THBS1: variants seen among roughly 807,000 people sequenced by gnomAD.
THBS1 encodes the protein thrombospondin-1.
THBS1 carries 29 observed loss-of-function variants against 126.1 expected under a neutral mutation model. The ratio of observed to expected loss-of-function variants is 0.23; its 90% CI spans 0.17 to 0.31. THBS1 has a LOEUF of 0.31. Ranked by LOEUF, THBS1 falls within the 10% of genes least tolerant of loss-of-function variation. The pLI, the probability that THBS1 is intolerant of heterozygous loss-of-function variation, is 1.00. For synonymous variants in THBS1, 496 were observed against 577.8 expected (o/e 0.86, Z 2.03); for missense variants, 1,198 against 1,545.2 (o/e 0.78, Z 3.77).
intron 13 of THBS1, 95 bp downstream of exon 13, chr15:39,590,118 GA>G (rs1890299286): frequency 1.8e-6 from 2 of 1,128,328 alleles, no homozygotes; most frequent in Admixed American, 2.9e-5. Context: ...GTTTGGACAT[GA>G]AACTGAAAGA....
rs184929393 is a variant in THBS1, at chr15:39,592,392, A to C, written c.2533-176A>C. Among the ~76,000 whole-genome samples, 152 of 152,344 alleles carry C rather than the reference A, an allele frequency of 1.0e-3. No homozygotes were observed. The highest frequency in any genetic ancestry group is 1.7e-3 in the Non-Finnish European group (114 of 68,024). On this transcript the variant is annotated intron_variant, in intron 16 of 21. Coordinates refer to ENST00000260356, the MANE Select transcript of THBS1 (RefSeq NM_003246.4). This position sits in a 1 kb window ranked among gnomAD's most constrained non-coding sequence, Gnocchi z 4.3. ...ACGAAAACAAAGATAAAGGAAAAAA[A>C]CTTTTAAAATGTAATTGCTACTATT...
chr15:39,589,316 T>G lies in THBS1; in HGVS notation c.1888T>G (p.Phe630Val). 1.2e-6 allele frequency: 2 copies of G among 1,614,072 alleles called. No individual in the cohort carries two copies. The highest frequency in any genetic ancestry group is 1.7e-6 in the Non-Finnish European group (2 of 1,180,030). Reference protein sequence around the residue: ...CPPRFTGSQPFGQGVEHATAN... With the variant: ...CPPRFTGSQPVGQGVEHATAN... ...CCCACGCTTCACCGGCTCACAGCCC[T>G]TCGGCCAGGGTGTCGAACATGCCAC... The change falls in exon 12 of 22, where the codon TTC (phenylalanine) becomes GTC (valine). Residue 630 changes from phenylalanine (F) to valine (V), a missense_variant. By Grantham distance (50) the Phe-to-Val change is conservative. Around this residue, in one of 4 missense-constraint regions of THBS1, gnomAD observed 663 missense variants for 860.1 expected, o/e 0.77. Coordinates refer to ENST00000260356, the MANE Select transcript of THBS1 (RefSeq NM_003246.4). The surrounding 1 kb of genome is among the most constrained non-coding windows in gnomAD (Gnocchi z 4.7).
intron 7 of THBS1, among the ~76,000 whole-genome samples, chr15:39,586,330 CATTT>C (rs1890207686): frequency 6.6e-6 from 1 of 152,114 alleles, no homozygotes; most frequent in African/African-American, 2.4e-5. Flanking sequence ...GTCGTTTTTA[CATTT>C]ATTTTCTGTT....
chr15:39,588,467 G>C, intron 9 of THBS1, 59 bp from the exon 10 acceptor site: 1 of 1,514,530 alleles, frequency 6.6e-7, no homozygotes, highest in Non-Finnish European at 8.8e-7. Flanking sequence ...GAGAGTCTAT[G>C]ACAAGGGAGG....
In THBS1 at chr15:39,582,607, A is replaced by T; in HGVS notation, c.482A>T (p.Gln161Leu). 6.2e-7 allele frequency: 1 copy of T among 1,614,140 alleles called. No individual in the cohort carries two copies. Among genetic ancestry groups the T allele is most frequent in the Non-Finnish European group, 8.5e-7 (1 of 1,180,036 alleles). ...GQWKSITLFV[Q>L]EDRAQLYIDC... ...TGGAAGAGCATCACCCTGTTTGTGC[A>T]GGAAGACAGGGCCCAGCTGTACATC... The change falls in exon 3 of 22, where the codon CAG becomes CTG. Residue 161 changes from glutamine (Q) to leucine (L), a missense_variant. Physicochemically the swap from Gln to Leu is moderately radical, Grantham distance 113. Coordinates refer to ENST00000260356, the MANE Select transcript of THBS1 (RefSeq NM_003246.4).
At position 39,595,557 on chromosome 15, in the gene THBS1, A is replaced by G; in HGVS notation, c.*188A>G. On this transcript the variant is annotated 3_prime_UTR_variant, in exon 22 of 22. Coordinates refer to ENST00000260356, the MANE Select transcript of THBS1 (RefSeq NM_003246.4). ...AAATGCAGTTTTCAAAAACAGACTC[A>G]GCATTCAGCCTCCAATGAATAAGAC... is the stretch of plus-strand genomic sequence containing the variant. 1.5e-6 allele frequency: 1 copy of G among 670,558 alleles called. No homozygotes were observed. Among genetic ancestry groups the G allele is most frequent in the Non-Finnish European group, 2.5e-6 (1 of 393,500 alleles). The allele number at this position is 670,558 out of a possible 1,614,324, so 41.5% of individuals were successfully genotyped here. A position where few individuals can be genotyped will look rare whatever the true frequency, so the allele number is the denominator to read the frequency against.
rs2140349801 is a variant in THBS1 at position 39,592,263 on chromosome 15, A to G, written c.2533-305A>G. ...ATTTAACATTAAGATGTAAACAGTT[A>G]ACATTTCATTTCATCTTTAGTAATT... On this transcript the variant is annotated intron_variant, in intron 16 of 21. Transcript: ENST00000260356. This position sits in a 1 kb window ranked among gnomAD's most constrained non-coding sequence, Gnocchi z 4.3. 6.6e-6 allele frequency among the ~76,000 whole-genome samples: 1 copy of G among 152,374 alleles called. No individual in the cohort carries two copies. The highest frequency in any genetic ancestry group is 6.5e-5 in the Admixed American group (1 of 15,310).
intron 9 of THBS1, 52 bp from the exon 10 acceptor site, chr15:39,588,474 G>T: frequency 6.6e-7 from 1 of 1,517,250 alleles, no homozygotes; most frequent in Non-Finnish European, 8.8e-7. Flanking sequence ...TATGACAAGG[G>T]AGGGATTTGA....
intron 3 of THBS1, 52 bp from the exon 4 acceptor site, chr15:39,583,565 C>A: frequency 9.5e-5 from 115 of 1,214,884 alleles, no homozygotes; most frequent in Middle Eastern, 2.7e-4. Flanking sequence ...CCCCCAACCC[C>A]ATCCCCACCC....
chr15:39,592,550 T>C lies in THBS1; in HGVS notation c.2533-18T>C, dbSNP rs1226167219. On this transcript the variant is annotated intron_variant, in intron 16 of 21. Coordinates refer to ENST00000260356, the MANE Select transcript of THBS1 (RefSeq NM_003246.4). This position sits in a 1 kb window ranked among gnomAD's most constrained non-coding sequence, Gnocchi z 4.3. ...GGTTTATACTGCAATTTACCCTCCA[T>C]TTACATCTCTCTTTCAGCTGGACTC... 1.7e-5 allele frequency: 27 copies of C among 1,595,920 alleles called. No individual in the cohort carries two copies. The highest frequency in any genetic ancestry group is 1.7e-4 in the Middle Eastern group (1 of 6,034).
At position 39,587,997 on chromosome 15, in the gene THBS1, G is replaced by A. The variant is rs753911919; in HGVS notation, c.1295-45G>A. The A allele has an allele frequency of 2.5e-6, 4 of 1,579,848 alleles. No individual in the cohort carries two copies. In the African/African-American group the frequency reaches 5.4e-5, roughly 21 times the overall value. On this transcript the variant is annotated intron_variant, in intron 8 of 21. Coordinates refer to ENST00000260356, the MANE Select transcript of THBS1 (RefSeq NM_003246.4). ...TCCTGATGGGAGCCTCTATTTGGCT[G>A]TCTCTAAGCCAAAACCATTTGTGAC...
In THBS1 at chr15:39,581,816, C is replaced by T; in HGVS notation, c.-29-13C>T. On this transcript the variant is annotated splice_polypyrimidine_tract_variant and intron_variant, in intron 1 of 21. Coordinates refer to ENST00000260356, the MANE Select transcript of THBS1 (RefSeq NM_003246.4). ...TGATCTCTGACCCTCGGCTCTTGTG[C>T]TTCCTGCTACAGGATCCCTGCTGGG... 6.3e-7 allele frequency: 1 copy of T among 1,586,496 alleles called. No homozygotes were observed. Among genetic ancestry groups the T allele is most frequent in the Non-Finnish European group, 8.7e-7 (1 of 1,155,804 alleles).
chr15:39,584,459 G>T lies in THBS1; in HGVS notation c.1026+37G>T, dbSNP rs757134859. 6.2e-6 allele frequency: 10 copies of T among 1,611,592 alleles called. No homozygotes were observed. The South Asian group carries it at 1.1e-4, about 18-fold the overall frequency. ...TCACCAGCCAGAATAAGAATCGACG[G>T]CTTTTGTTTGAACCTACATCTTTGG... On this transcript the variant is annotated intron_variant, in intron 6 of 21. Coordinates refer to ENST00000260356, the MANE Select transcript of THBS1 (RefSeq NM_003246.4).
In THBS1 at chr15:39,592,879, C is replaced by T; in HGVS notation, c.2767+77C>T. Reference sequence around the variant, plus strand: ...AGATTGAAGAAATGAAACCAAGGCTCAAAGCATTTGACAGGATGAAGGGAC... The same window carrying T: ...AGATTGAAGAAATGAAACCAAGGCTTAAAGCATTTGACAGGATGAAGGGAC... On this transcript the variant is annotated intron_variant, in intron 17 of 21. Coordinates refer to ENST00000260356, the MANE Select transcript of THBS1 (RefSeq NM_003246.4). This position sits in a 1 kb window ranked among gnomAD's most constrained non-coding sequence, Gnocchi z 4.3. 1.3e-6 allele frequency: 2 copies of T among 1,553,976 alleles called. No individual in the cohort carries two copies. The highest frequency in any genetic ancestry group is 1.2e-5 in the South Asian group (1 of 84,926).
chr15:39,584,410 G>A lies in THBS1; in HGVS notation c.1014G>A (p.Glu338=). The change falls in exon 6 of 22, where the codon GAG becomes GAA. Residue 338 remains glutamate, a synonymous_variant. Coordinates refer to ENST00000260356, the MANE Select transcript of THBS1 (RefSeq NM_003246.4). ...NEEWTVDSCT[E]CHCQNSVTIC... ...AATGGACTGTTGATAGCTGCACTGA[G>A]TGTCACTGTCAGGTAAGGGACCTTC... The A allele has an allele frequency of 1.2e-6, 2 of 1,614,212 alleles. No individual in the cohort carries two copies. The highest frequency in any genetic ancestry group is 1.3e-5 in the African/African-American group (1 of 75,052).
intron 7 of THBS1, among the ~76,000 whole-genome samples, chr15:39,585,967 G>A (rs1345520242): frequency 2.6e-5 from 4 of 152,178 alleles, no homozygotes; most frequent in Non-Finnish European, 5.9e-5. Flanking sequence ...GCCTGATCGG[G>A]CCTGGAAGTT....
chr15:39,593,252 A>G lies in THBS1; in HGVS notation c.2995+25A>G. ...GGTGAGTAGCGAGTTCTTAGATCCT[A>G]AGAGACTGATGCATACATGGGGAAA... On this transcript the variant is annotated intron_variant, in intron 18 of 21. Transcript: ENST00000260356. The surrounding 1 kb of genome is among the most constrained non-coding windows in gnomAD (Gnocchi z 5.9). The G allele has an allele frequency of 6.2e-7, 1 of 1,612,580 alleles. No individual in the cohort carries two copies. Among genetic ancestry groups the G allele is most frequent in the Non-Finnish European group, 8.5e-7 (1 of 1,178,620 alleles).
intron 21 of THBS1, among the ~76,000 whole-genome samples, 188 bp from the exon 22 acceptor site, chr15:39,595,174 G>A (rs1056242254): frequency 6.6e-6 from 1 of 152,214 alleles, no homozygotes; most frequent in Non-Finnish European, 1.5e-5. Context: ...TTCACGCTGT[G>A]TCGGTCTCCT....
rs771286203 is a variant in THBS1, at chr15:39,590,622, G to T, written c.2252G>T (p.Arg751Met). The T allele has an allele frequency of 2.5e-6, 4 of 1,612,724 alleles. No individual in the cohort carries two copies. The highest frequency in any genetic ancestry group is 3.3e-5 in the Admixed American group (2 of 59,904). Residue 751 changes from arginine (R) to methionine (M), a missense_variant and splice_region_variant, in exon 14 of 22, where the codon AGG becomes ATG. This residue lies in a region of THBS1 where 663 missense variants were observed against 860.1 expected (regional missense o/e 0.77). Transcript: ENST00000260356. The stretch of plus-strand genomic sequence containing the variant: ...GACAATGATAAAATTCCAGATGACA[G>T]GGTAAAAACAGTTTTCTATCCCTTT... Reference protein sequence around the residue: ...DDDNDKIPDDRDNCPFHYNPA... With the variant: ...DDDNDKIPDDMDNCPFHYNPA...
Sources: allele counts gnomAD v4.1 joint callset (sites outside exome capture counted in the v4.1 genomes callset), GRCh38; gene constraint gnomAD v4.1.1; regional missense constraint gnomAD v4.1.1; non-coding constraint Gnocchi (gnomAD v3.1); transcripts MANE v1.5; gene names NCBI Gene and HGNC (gene_info 2026-07-23, HGNC 2026-07-21).